Variants in CAVIN1 observed in about 807,000 individuals in gnomAD.
CAVIN1 encodes the protein caveolae-associated protein 1.
A neutral mutation model predicts 24.0 loss-of-function variants in CAVIN1; 16 were observed. That is an observed-to-expected ratio of 0.67 (90% CI 0.45 to 1.01). CAVIN1 has a LOEUF of 1.01. CAVIN1 is among the 50% of genes least tolerant of loss of function. CAVIN1 has a pLI of 0.00. For synonymous variants in CAVIN1, 256 were observed against 256.4 expected, an observed-to-expected ratio of 1.00 and a Z score of 0.02; for missense variants, 510 against 551.7, an observed-to-expected ratio of 0.92 and a Z score of 0.76.
At position 42,405,323 on chromosome 17, in the gene CAVIN1, T is replaced by C. The variant is rs968331945; in HGVS notation, c.537A>G (p.Pro179=). The part of the protein sequence containing the change: ...SKSLKESEAL[P]EKEGEELGEG... ...CGCCCAGCTCCTCGCCCTCCTTCTC[T>C]GGCAGCGCCTCCGACTCTTTCAGCG... The change falls in exon 2 of 2, where the codon CCA becomes CCG. Residue 179 remains proline, a synonymous_variant. Coordinates refer to ENST00000357037, the MANE Select transcript of CAVIN1 (RefSeq NM_012232.6). 6.2e-7 allele frequency: 1 copy of C among 1,610,374 alleles called. No individual in the cohort carries two copies. The highest frequency in any genetic ancestry group is 8.5e-7 in the Non-Finnish European group (1 of 1,179,968).
At chr17:42,419,919 T>TGTGTGTGTG in intron 1 of CAVIN1, among the ~76,000 whole-genome samples, 1 of 110,882 alleles carries the variant, frequency 9.0e-6, no homozygotes, top group African/African-American at 4.5e-5. Flanking sequence ...GTGTGTGTGT[T>TGTGTGTGTG]CAAATGCAAA....
chr17:42,411,582 G>A, intron 1 of CAVIN1: 2 of 985,388 alleles, frequency 2.0e-6, no homozygotes, highest in Non-Finnish European at 2.4e-6. Flanking sequence ...AAAAGAAACT[G>A]GAGAAAATAC....
Position 42,404,623 on chromosome 17 carries a change from GA to G in CAVIN1, c.*63del. On this transcript the variant is annotated 3_prime_UTR_variant, in exon 2 of 2. Coordinates refer to ENST00000357037, the MANE Select transcript of CAVIN1 (RefSeq NM_012232.6). ...AAAAATCTCAGCCAGCTCGAGCCGA[GA>G]GAGAATGCGAAAGAGGAAGTTCGGA... 2 of 1,139,824 alleles carry G rather than the reference GA, an allele frequency of 1.8e-6. No individual in the cohort carries two copies. Among genetic ancestry groups the G allele is most frequent in the South Asian group, 3.5e-5 (2 of 56,914 alleles). 70.6% of individuals were successfully genotyped at this position (1,139,824 alleles called of 1,614,324 possible). A position where few individuals can be genotyped will look rare whatever the true frequency, so the allele number is the denominator to read the frequency against.
intron 1 of CAVIN1, among the ~76,000 whole-genome samples, chr17:42,407,386 C>CCA (rs367893724): frequency 6.6e-6 from 1 of 151,798 alleles, no homozygotes; most frequent in African/African-American, 2.4e-5. Context: ...CTCACTGACA[C>CCA]CACACACACA....
At chr17:42,408,040 A>T (rs1339307994) in intron 1 of CAVIN1, among the ~76,000 whole-genome samples, 1 of 152,048 alleles carries the variant, frequency 6.6e-6, no homozygotes, top group African/African-American at 2.4e-5. Flanking sequence ...ATTAAAAAAA[A>T]TTCAGCTCTG....
chr17:42,410,476 G>A (rs556573274), intron 1 of CAVIN1, among the ~76,000 whole-genome samples: 4 of 152,194 alleles, frequency 2.6e-5, no homozygotes, highest in East Asian at 1.9e-4. Flanking sequence ...ATCCAAAAGG[G>A]TGAAAACTGA....
At chr17:42,408,168 G>A (rs1310570112) in intron 1 of CAVIN1, among the ~76,000 whole-genome samples, 1 of 152,048 alleles carries the variant, frequency 6.6e-6, no homozygotes, top group Non-Finnish European at 1.5e-5. Context: ...GGGATTAAGG[G>A]TGACAGGCAG....
chr17:42,417,459 C>CAAAAAA (rs61462482), intron 1 of CAVIN1, among the ~76,000 whole-genome samples: 5 of 131,240 alleles, frequency 3.8e-5, no homozygotes, highest in African/African-American at 5.7e-5. Context: ...AACTTGTCTC[C>CAAAAAA]AAAAAAAAAA....
intron 1 of CAVIN1, among the ~76,000 whole-genome samples, chr17:42,417,477 T>G (rs930816821): frequency 9.6e-6 from 1 of 103,852 alleles, no homozygotes; most frequent in Non-Finnish European, 2.2e-5. Context: ...AAAAAAAAGA[T>G]TGTAGTGGAG....
chr17:42,405,652 C>T (rs1311301705), intron 1 of CAVIN1, among the ~76,000 whole-genome samples: 1 of 148,548 alleles, frequency 6.7e-6, no homozygotes, highest in East Asian at 2.0e-4. Context: ...CCCAACCCCG[C>T]GTCGCCATTC....
intron 1 of CAVIN1, among the ~76,000 whole-genome samples, chr17:42,420,052 C>T (rs1337330938): frequency 6.6e-6 from 1 of 151,576 alleles, no homozygotes; most frequent in Non-Finnish European, 1.5e-5. Context: ...CATCCCACAA[C>T]GGGGGCCTTC....
chr17:42,421,459 T>C (rs765625526), intron 1 of CAVIN1, among the ~76,000 whole-genome samples: 2 of 151,878 alleles, frequency 1.3e-5, no homozygotes, highest in Non-Finnish European at 2.9e-5. Context: ...GAGGGGAGCA[T>C]AGACTAACCC....
chr17:42,406,605 G>C (rs1175790550), intron 1 of CAVIN1, among the ~76,000 whole-genome samples: 1 of 151,950 alleles, frequency 6.6e-6, no homozygotes, highest in Non-Finnish European at 1.5e-5. Flanking sequence ...TCGAACCCCT[G>C]ACCTCAAATG....
At chr17:42,421,320 C>A (rs1310509131) in intron 1 of CAVIN1, among the ~76,000 whole-genome samples, 1 of 152,192 alleles carries the variant, frequency 6.6e-6, no homozygotes, top group African/African-American at 2.4e-5. Context: ...CACTCAGAAC[C>A]CGGCTCGACC....
chr17:42,405,934 G>A lies in CAVIN1; in HGVS notation c.472-546C>T, dbSNP rs999136903. Among the ~76,000 whole-genome samples, 3 of 152,040 alleles carry A rather than the reference G, an allele frequency of 2.0e-5. No homozygotes were observed. The East Asian group carries it at 5.8e-4, about 29-fold the overall frequency. On this transcript the variant is annotated intron_variant, in intron 1 of 1. Coordinates refer to ENST00000357037, the MANE Select transcript of CAVIN1 (RefSeq NM_012232.6). ...ACTCCCGACCTCAGGTGATCCGCCC[G>A]CCTCGGCCTCCCAAAGTTCTGGGAT...
At chr17:42,412,766 T>C (rs7222712) in intron 1 of CAVIN1, among the ~76,000 whole-genome samples, 22,630 of 151,508 alleles carry the variant, frequency 0.15, 1,941 homozygotes, top group East Asian at 0.37. Flanking sequence ...TACAGGTGCA[T>C]GCTACCACGC....
At chr17:42,411,221 G>C (rs7504043) in intron 1 of CAVIN1, among the ~76,000 whole-genome samples, 99,299 of 125,686 alleles carry the variant, frequency 0.79, 40,591 homozygotes, top group East Asian at 0.96. Flanking sequence ...TAAAAGGTCT[G>C]TATATGGGAG....
At position 42,418,421 on chromosome 17, in the gene CAVIN1, G is replaced by T. The variant is rs572452797; in HGVS notation, c.471+4206C>A. Reference sequence around the variant, plus strand: ...TAATTTTGTATTTTTAGTAGAGACGGGGTTTCTCCATGTTGGTCAGGCTGG... The same window carrying T: ...TAATTTTGTATTTTTAGTAGAGACGTGGTTTCTCCATGTTGGTCAGGCTGG... On this transcript the variant is annotated intron_variant, in intron 1 of 1. Coordinates refer to ENST00000357037, the MANE Select transcript of CAVIN1 (RefSeq NM_012232.6). 1.1e-3 allele frequency among the ~76,000 whole-genome samples: 162 copies of T among 152,020 alleles called. 1 individual carries two copies. The highest frequency in any genetic ancestry group is 3.6e-3 in the African/African-American group (150 of 41,460).
intron 1 of CAVIN1, among the ~76,000 whole-genome samples, chr17:42,409,733 TC>T (rs1245144873): frequency 6.6e-6 from 1 of 151,844 alleles, no homozygotes; most frequent in East Asian, 1.9e-4. Context: ...TCCAAAATCA[TC>T]TCCCTCCACC....
Sources: allele counts gnomAD v4.1 joint callset (sites outside exome capture counted in the v4.1 genomes callset), GRCh38; gene constraint gnomAD v4.1.1; transcripts MANE v1.5; gene names NCBI Gene and HGNC (gene_info 2026-07-23, HGNC 2026-07-21).